The following HCRTR1 variants were observed in gnomAD, a reference collection of about 807,000 sequenced individuals.
The protein encoded by HCRTR1 is hypocretin receptor 1.
A neutral mutation model predicts 40.6 loss-of-function variants in HCRTR1; 28 were observed. The observed-to-expected ratio is 0.69, with a 90% CI of 0.51 to 0.95. The LOEUF (loss-of-function observed/expected upper bound fraction) is 0.95, where lower values mean the gene tolerates loss of function less well. HCRTR1 is among the 40% of genes least tolerant of loss of function. The pLI is 0.00. For missense variants in HCRTR1, 482 were observed against 564.7 expected (o/e 0.85, Z 1.48); for synonymous variants, 209 against 230.0 (o/e 0.91, Z 0.83).
intron 6 of HCRTR1, 28 bp downstream of exon 6, chr1:31,621,620 G>T (rs759249358): frequency 2.0e-6 from 3 of 1,520,568 alleles, no homozygotes; most frequent in South Asian, 1.1e-5. Context: ...CAGGGGCTAG[G>T]CCAGTCACTG....
downstream of HCRTR1, among the ~76,000 whole-genome samples, chr1:31,634,376 T>C (rs1380606141): frequency 6.6e-6 from 1 of 152,326 alleles, no homozygotes; most frequent in East Asian, 1.9e-4. Flanking sequence ...TTAGGCAAAA[T>C]GTACAATTTT....
At chr1:31,623,829 G>A (rs1639917346) in intron 7 of HCRTR1, 80 bp downstream of exon 7, 2 of 1,020,674 alleles carry the variant, frequency 2.0e-6, no homozygotes, top group Admixed American at 2.1e-5. Flanking sequence ...AGAAAGACCT[G>A]GCTCCACCCC....
At chr1:31,621,345 C>T (rs1309814712) in intron 5 of HCRTR1, 132 bp from the exon 6 acceptor site, 1 of 830,310 alleles carries the variant, frequency 1.2e-6, no homozygotes. Context: ...CTCTGTCTGT[C>T]ATGGTGGCTG....
chr1:31,634,213 G>C (rs141074287), downstream of HCRTR1, among the ~76,000 whole-genome samples: 175 of 152,278 alleles, frequency 1.1e-3, 3 homozygotes, highest in East Asian at 0.029. Context: ...CTAAAACATC[G>C]GTGTCATAGG....
chr1:31,632,819 T>A (rs116032812), downstream of HCRTR1, among the ~76,000 whole-genome samples: 2 of 152,182 alleles, frequency 1.3e-5, no homozygotes, highest in Non-Finnish European at 2.9e-5. Context: ...ACCGTCCTCC[T>A]ACTCTGGACA....
intron 4 of HCRTR1, among the ~76,000 whole-genome samples, chr1:31,620,592 A>C (rs1639831768): frequency 6.6e-6 from 1 of 152,254 alleles, no homozygotes; most frequent in African/African-American, 2.4e-5. Context: ...ACCATGTGCC[A>C]GGTCTAAAGC....
chr1:31,618,738 A>T lies in HCRTR1; in HGVS notation c.-203-18A>T, dbSNP rs147646049. 5.9e-6 allele frequency: 1 copy of T among 169,786 alleles called. No individual in the cohort carries two copies. The highest frequency in any genetic ancestry group is 5.7e-5 in the Admixed American group (1 of 17,428). 10.5% of individuals were successfully genotyped at this position (169,786 alleles called of 1,614,324 possible). A position where few individuals can be genotyped will look rare whatever the true frequency, so the allele number is the denominator to read the frequency against. On this transcript the variant is annotated intron_variant, in intron 1 of 8. Coordinates refer to ENST00000403528, the MANE Select transcript of HCRTR1 (RefSeq NM_001525.3). Reference sequence around the variant, plus strand: ...AATGGTAACCGGAAACGTCCCCGAAACTACCTTCTCGTACCAGGTTCTTGG... The same window carrying T: ...AATGGTAACCGGAAACGTCCCCGAATCTACCTTCTCGTACCAGGTTCTTGG...
intron 2 of HCRTR1, 24 bp from the exon 3 acceptor site, chr1:31,619,027 C>G: frequency 1.7e-6 from 1 of 604,450 alleles, no homozygotes; most frequent in Non-Finnish European, 2.9e-6. Context: ...TTTTCCCACT[C>G]CCTCCTTTCC....
rs772394538 is a variant in HCRTR1 at position 31,621,572 on chromosome 1, C to T, written c.718C>T (p.Arg240Cys). 1.7e-5 allele frequency: 27 copies of T among 1,613,306 alleles called. No individual in the cohort carries two copies. Among genetic ancestry groups the T allele is most frequent in the African/African-American group, 5.3e-5 (4 of 74,936 alleles). The change falls in exon 6 of 9, where the codon CGC becomes TGC. Residue 240 changes from arginine to cysteine, a missense_variant. By Grantham distance (180) the Arg-to-Cys change is radical. Transcript: ENST00000403528. ...GGCCATGGCCTATTTCCAGATATTCCGCAAGCTCTGGGGCCGCCAGGTGAG... is the reference window on the plus strand; with the variant it reads ...GGCCATGGCCTATTTCCAGATATTCTGCAAGCTCTGGGGCCGCCAGGTGAG... ...LMAMAYFQIFRKLWGRQIPGT... is the reference protein window; with the variant it reads ...LMAMAYFQIFCKLWGRQIPGT...
At chr1:31,621,274 C>T (rs1639850307) in intron 5 of HCRTR1, among the ~76,000 whole-genome samples, 188 bp downstream of exon 5, 1 of 152,164 alleles carries the variant, frequency 6.6e-6, no homozygotes, top group South Asian at 2.1e-4. Flanking sequence ...CTCATGTAGA[C>T]ATCTGCTCTA....
In HCRTR1 at chr1:31,626,693, G is replaced by T; in HGVS notation, c.1088-97G>T. ...CTCCCTCCCTCCCCGCCCCCTCATAGGCAGCTTGGCTGGAGCTGCGTGGGT... is the reference window on the plus strand; with the variant it reads ...CTCCCTCCCTCCCCGCCCCCTCATATGCAGCTTGGCTGGAGCTGCGTGGGT... On this transcript the variant is annotated intron_variant, in intron 8 of 8. Transcript: ENST00000403528. This position sits in a 1 kb window ranked among gnomAD's most constrained non-coding sequence, Gnocchi z 4.6. 2.2e-6 allele frequency: 1 copy of T among 448,210 alleles called. No homozygotes were observed. The allele number at this position is 448,210 out of a possible 1,614,324, so 27.8% of individuals were successfully genotyped here. A position where few individuals can be genotyped will look rare whatever the true frequency, so the allele number is the denominator to read the frequency against.
chr1:31,619,596 G>C lies in HCRTR1; in HGVS notation c.264G>C (p.Leu88=), dbSNP rs199898052. 6.2e-7 allele frequency: 1 copy of C among 1,614,146 alleles called. No homozygotes were observed. The highest frequency in any genetic ancestry group is 1.3e-5 in the African/African-American group (1 of 75,062). ...TCACCAACTACTTCATTGTCAACCTGTCCCTGGCTGACGTTCTGGTGACTG... is the reference window on the plus strand; with the variant it reads ...TCACCAACTACTTCATTGTCAACCTCTCCCTGGCTGACGTTCTGGTGACTG... ...RTVTNYFIVN[L]SLADVLVTAI... The change falls in exon 4 of 9, where the codon CTG becomes CTC. Residue 88 remains leucine, a synonymous_variant. Coordinates refer to ENST00000403528, the MANE Select transcript of HCRTR1 (RefSeq NM_001525.3).
chr1:31,630,809 T>A, downstream of HCRTR1: 1 of 1,612,292 alleles, frequency 6.2e-7, no homozygotes, highest in Non-Finnish European at 8.5e-7. Context: ...CTGGGTGAAC[T>A]GGGGGCTCAG....
intron 7 of HCRTR1, among the ~76,000 whole-genome samples, chr1:31,624,650 C>T (rs1162032049): frequency 6.6e-6 from 1 of 152,118 alleles, no homozygotes; most frequent in Non-Finnish European, 1.5e-5. Context: ...GTTGTGTGAT[C>T]TTCGGCATGT....
At position 31,623,609 on chromosome 1, in the gene HCRTR1, G is replaced by T. The variant is rs1318913475; in HGVS notation, c.825G>T (p.Glu275Asp). 1.9e-6 allele frequency: 3 copies of T among 1,613,710 alleles called. No homozygotes were observed. Among genetic ancestry groups the T allele is most frequent in the African/African-American group, 1.3e-5 (1 of 75,066 alleles). ...ACCTGGAGCAGGGCCTGAGTGGAGAGCCCCAGCCCCGGGCCCGCGCCTTCC... is the reference window on the plus strand; with the variant it reads ...ACCTGGAGCAGGGCCTGAGTGGAGATCCCCAGCCCCGGGCCCGCGCCTTCC... ...LGDLEQGLSG[E>D]PQPRARAFLA... The change falls in exon 7 of 9, where the codon GAG (glutamate) becomes GAT (aspartate). Residue 275 changes from glutamate to aspartate, a missense_variant. Transcript: ENST00000403528.
downstream of HCRTR1, among the ~76,000 whole-genome samples, chr1:31,629,570 C>T (rs901295798): frequency 2.6e-5 from 4 of 152,198 alleles, no homozygotes. Context: ...ATAGAAAAGG[C>T]CAGGCTATGA....
chr1:31,627,216 A>G lies in HCRTR1; in HGVS notation c.*236A>G. ...ACTGTGAAGTGTTGTGGACATGATTATTGTTGTACTTCTCTCATTTGGCCA... is the reference window on the plus strand; with the variant it reads ...ACTGTGAAGTGTTGTGGACATGATTGTTGTTGTACTTCTCTCATTTGGCCA... On this transcript the variant is annotated 3_prime_UTR_variant, in exon 9 of 9. Transcript: ENST00000403528. The G allele has an allele frequency of 6.7e-7, 1 of 1,499,064 alleles. No individual in the cohort carries two copies. The highest frequency in any genetic ancestry group is 8.9e-7 in the Non-Finnish European group (1 of 1,123,344). 92.9% of individuals were successfully genotyped at this position (1,499,064 alleles called of 1,614,324 possible). A position where few individuals can be genotyped will look rare whatever the true frequency, so the allele number is the denominator to read the frequency against.
rs759622920 is a variant in HCRTR1, at chr1:31,621,018, G to A, written c.554G>A (p.Cys185Tyr). 3.1e-6 allele frequency: 5 copies of A among 1,613,542 alleles called. 1 individual carries two copies. The South Asian group carries it at 5.5e-5, about 18-fold the overall frequency. Residue 185 changes from cysteine to tyrosine, a missense_variant, in exon 5 of 9, where the codon TGC becomes TAC. Coordinates refer to ENST00000403528, the MANE Select transcript of HCRTR1 (RefSeq NM_001525.3). The stretch of plus-strand genomic sequence containing the variant: ...GTGCCCCAGGCTGCAGTCATGGAAT[G>A]CAGCAGTGTGCTGCCTGAGCTAGCC... ...IMVPQAAVME[C>Y]SSVLPELANR...
At chr1:31,619,445 G>A in intron 3 of HCRTR1, 54 bp downstream of exon 3, 1 of 1,612,448 alleles carries the variant, frequency 6.2e-7, no homozygotes, top group Non-Finnish European at 8.5e-7. Context: ...GGATTGAAGG[G>A]GGTTGTGTGG....
Sources: gnomAD v4.1 joint callset for allele counts (sites outside exome capture counted in the v4.1 genomes callset) on GRCh38, gnomAD v4.1.1 for gene constraint, Gnocchi (gnomAD v3.1) non-coding constraint, MANE v1.5 for transcripts, NCBI Gene and HGNC (gene_info 2026-07-23, HGNC 2026-07-21) for gene names.